Variants in MYCBP2 observed in about 807,000 individuals in gnomAD.
MYCBP2 encodes E3 ubiquitin-protein ligase MYCBP2.
MYCBP2 carries 120 observed loss-of-function variants against 525.3 expected under a neutral mutation model. The ratio of observed to expected loss-of-function variants is 0.23; its 90% CI spans 0.20 to 0.27. MYCBP2 has a LOEUF of 0.27. Among genes scored for constraint, MYCBP2 ranks in the 10% least tolerant of loss-of-function variants. MYCBP2 has a pLI of 1.00. For synonymous variants in MYCBP2, 1,894 were observed against 1,955.8 expected (o/e 0.97, Z 0.83); for missense variants, 4,149 against 5,657.1 (o/e 0.73, Z 8.55).
chr13:77,075,486 A>G, intron 68 of MYCBP2: 1 of 152,250 alleles, frequency 6.6e-6, no homozygotes, highest in Non-Finnish European at 1.5e-5. Context: ...TCTCTCTACT[A>G]ATCTCATTTG....
chr13:77,142,415 T>C (rs959680804), intron 49 of MYCBP2, among the ~76,000 whole-genome samples: 5 of 152,216 alleles, frequency 3.3e-5, no homozygotes, highest in African/African-American at 1.2e-4. Context: ...TCTAGAATGG[T>C]ACAGATGAAC....
Position 77,191,585 on chromosome 13 carries a change from T to C in MYCBP2, c.4070+94A>G, listed in dbSNP as rs2061304673. The stretch of plus-strand genomic sequence containing the variant: ...ATATTATGCTCTAGTCTTCCTAAGC[T>C]TTTGAATCCTGCTGAAAGTACTCTG... On this transcript the variant is annotated intron_variant, in intron 28 of 82. Transcript: ENST00000544440. The C allele has an allele frequency of 4.2e-6, 6 of 1,433,018 alleles. No homozygotes were observed. In the South Asian group the frequency reaches 8.1e-5, roughly 19 times the overall value. The allele number at this position is 1,433,018 out of a possible 1,614,324, so 88.8% of individuals were successfully genotyped here. A position where few individuals can be genotyped will look rare whatever the true frequency, so the allele number is the denominator to read the frequency against.
chr13:77,201,318 G>A (rs2062516127), intron 26 of MYCBP2, among the ~76,000 whole-genome samples: 1 of 148,926 alleles, frequency 6.7e-6, no homozygotes, highest in Non-Finnish European at 1.5e-5. Context: ...AATGGTAAAG[G>A]GATCAATTCA....
chr13:77,174,541 AT>A (rs1566809342), intron 36 of MYCBP2, 52 bp from the exon 37 acceptor site: 2 of 1,425,670 alleles, frequency 1.4e-6, no homozygotes, highest in Admixed American at 4.0e-5. Context: ...CAGAGGATAT[AT>A]AAAAAGAACT....
chr13:77,064,227 C>A (rs2039829680), intron 73 of MYCBP2, among the ~76,000 whole-genome samples: 1 of 152,200 alleles, frequency 6.6e-6, no homozygotes, highest in South Asian at 2.1e-4. Context: ...TAGGAACAAC[C>A]AGGCATAGGC....
chr13:77,137,500 A>T (rs1335805837), intron 52 of MYCBP2, among the ~76,000 whole-genome samples: 1 of 152,174 alleles, frequency 6.6e-6, no homozygotes, highest in African/African-American at 2.4e-5. Context: ...TGCCTGTAAT[A>T]TGAGCACTTT....
intron 52 of MYCBP2, among the ~76,000 whole-genome samples, chr13:77,134,349 G>A (rs1268338526): frequency 6.6e-6 from 1 of 152,040 alleles, no homozygotes; most frequent in Non-Finnish European, 1.5e-5. Flanking sequence ...GGCCAACATG[G>A]TAAAACCCTG....
At chr13:77,125,809 G>T (rs1278185490) in intron 53 of MYCBP2, among the ~76,000 whole-genome samples, 1 of 152,158 alleles carries the variant, frequency 6.6e-6, no homozygotes, top group Admixed American at 6.5e-5. Flanking sequence ...TATTTAGGTT[G>T]AGAGTATCCA....
intron 28 of MYCBP2, among the ~76,000 whole-genome samples, chr13:77,191,227 G>A (rs1050359807): frequency 1.1e-4 from 17 of 152,120 alleles, no homozygotes; most frequent in South Asian, 4.1e-4. Flanking sequence ...TACTCTATAC[G>A]TGAAAGTTAT....
intron 52 of MYCBP2, among the ~76,000 whole-genome samples, chr13:77,138,283 A>C (rs907366770): frequency 7.9e-5 from 12 of 152,222 alleles, no homozygotes; most frequent in African/African-American, 2.9e-4. Flanking sequence ...ATAAATAGAA[A>C]TAGAAATTCC....
chr13:77,230,398 A>C (rs1401176178), intron 18 of MYCBP2, among the ~76,000 whole-genome samples: 1 of 152,226 alleles, frequency 6.6e-6, no homozygotes, highest in Non-Finnish European at 1.5e-5. Flanking sequence ...GTGAAGAGAA[A>C]AATATATGTA....
At chr13:77,249,571 A>G (rs1263608733) in intron 15 of MYCBP2, among the ~76,000 whole-genome samples, 2 of 152,048 alleles carry the variant, frequency 1.3e-5, no homozygotes, top group African/African-American at 4.8e-5. Context: ...TTTATTATAT[A>G]TTTTTTGAGT....
At chr13:77,076,453 A>C (rs1225316871) in intron 68 of MYCBP2, among the ~76,000 whole-genome samples, 1 of 152,214 alleles carries the variant, frequency 6.6e-6, no homozygotes, top group Admixed American at 6.5e-5. Context: ...CTGAACTGTG[A>C]AGGACAGGGA....
intron 24 of MYCBP2, 60 bp from the exon 25 acceptor site, chr13:77,205,658 T>A (rs1327566401): frequency 7.0e-7 from 1 of 1,427,450 alleles, no homozygotes; most frequent in African/African-American, 1.4e-5. Flanking sequence ...ATGGTATTGA[T>A]GACATTAAAT....
intron 68 of MYCBP2, 70 bp from the exon 69 acceptor site, chr13:77,070,781 T>C: frequency 1.1e-6 from 1 of 911,400 alleles, no homozygotes; most frequent in Non-Finnish European, 1.6e-6. Context: ...GTATATGTGA[T>C]ATTTCAAAGT....
At chr13:77,048,990 G>A (rs1488882856) in intron 82 of MYCBP2, among the ~76,000 whole-genome samples, 1 of 152,142 alleles carries the variant, frequency 6.6e-6, no homozygotes, top group Non-Finnish European at 1.5e-5. Context: ...CTCAACTGGA[G>A]GCTGGTTATC....
intron 23 of MYCBP2, among the ~76,000 whole-genome samples, chr13:77,208,130 C>CA (rs1169279901): frequency 6.6e-6 from 1 of 152,152 alleles, no homozygotes; most frequent in Non-Finnish European, 1.5e-5. Context: ...CACATCCTCT[C>CA]ATTTTTTCTT....
intron 26 of MYCBP2, among the ~76,000 whole-genome samples, chr13:77,202,542 T>G (rs1593829371): frequency 6.6e-6 from 1 of 151,956 alleles, no homozygotes. Flanking sequence ...TAACTCATTT[T>G]ATGAGGCCAG....
chr13:77,205,968 G>C (rs567661912), intron 24 of MYCBP2, among the ~76,000 whole-genome samples: 262 of 152,168 alleles, frequency 1.7e-3, no homozygotes, highest in African/African-American at 6.0e-3. Context: ...CACTAGTTTT[G>C]GATGTCTACA....
Sources: allele counts gnomAD v4.1 joint callset (sites outside exome capture counted in the v4.1 genomes callset), GRCh38; gene constraint gnomAD v4.1.1; transcripts MANE v1.5; gene names NCBI Gene and HGNC (gene_info 2026-07-23, HGNC 2026-07-21).